FZD3: variants seen among roughly 807,000 people sequenced by gnomAD.
The protein encoded by FZD3 is frizzled class receptor 3, also known as frizzled-3.
A neutral mutation model predicts 60.7 loss-of-function variants in FZD3; 30 were observed. The ratio of observed to expected loss-of-function variants is 0.49; its 90% confidence interval spans 0.37 to 0.67. FZD3 has a LOEUF of 0.67. FZD3 is among the 30% of genes least tolerant of loss of function. FZD3 has a pLI of 0.00. For missense variants in FZD3, 605 were observed against 838.7 expected, an observed-to-expected ratio of 0.72 and a Z score of 3.44; for synonymous variants, 246 against 275.2, an observed-to-expected ratio of 0.89 and a Z score of 1.05.
chr8:28,504,253 A>G (rs1804077746), intron 3 of FZD3, among the ~76,000 whole-genome samples: 1 of 152,202 alleles, frequency 6.6e-6, no homozygotes, highest in Admixed American at 6.5e-5. Context: ...GTAGAGGTTG[A>G]ACAAAACATT....
At position 28,571,126 on chromosome 8, in the gene FZD3, A is replaced by G. The variant is rs1805800941; in HGVS notation, c.*8115A>G. 1 of 151,838 alleles carries G rather than the reference A, an allele frequency of 6.6e-6. No individual in the cohort carries two copies. Among genetic ancestry groups the G allele is most frequent in the Non-Finnish European group, 1.5e-5 (1 of 67,964 alleles). 9.4% of individuals were successfully genotyped at this position (151,838 alleles called of 1,614,324 possible). On this transcript the variant is annotated 3_prime_UTR_variant, in exon 8 of 8. Coordinates refer to ENST00000240093, the MANE Select transcript of FZD3 (RefSeq NM_017412.4). ...ATTGAATCTGAGATTCAAATATTTC[A>G]TTTAATATTTTCTGGGTTTTGATAA...
At chr8:28,512,268 C>T (rs1023938583) in intron 3 of FZD3, among the ~76,000 whole-genome samples, 1 of 152,122 alleles carries the variant, frequency 6.6e-6, no homozygotes, top group African/African-American at 2.4e-5. Context: ...CTTCTGCATG[C>T]ATATTCTCCA....
At chr8:28,523,505 C>G (rs1166099710) in intron 4 of FZD3, among the ~76,000 whole-genome samples, 1 of 151,920 alleles carries the variant, frequency 6.6e-6, no homozygotes, top group African/African-American at 2.4e-5. Flanking sequence ...TCACAGCTCA[C>G]TATAGCCTCA....
At chr8:28,545,464 CAG>C (rs1000881477) in intron 5 of FZD3, among the ~76,000 whole-genome samples, 2 of 152,052 alleles carry the variant, frequency 1.3e-5, no homozygotes, top group South Asian at 2.1e-4. Flanking sequence ...GGGAGGGAAA[CAG>C]AAAGAGAGAA....
intron 7 of FZD3, among the ~76,000 whole-genome samples, chr8:28,558,256 G>C (rs1805548499): frequency 2.0e-5 from 3 of 152,144 alleles, no homozygotes; most frequent in Admixed American, 2.0e-4. Flanking sequence ...AGGAGATTAT[G>C]AGTAAGACTA....
At position 28,572,497 on chromosome 8, in the gene FZD3, T is replaced by C. The variant is rs188989684; in HGVS notation, c.*9486T>C. 7 of 152,328 alleles carry C rather than the reference T, an allele frequency of 4.6e-5. No homozygotes were observed. Among genetic ancestry groups the C allele is most frequent in the African/African-American group, 1.7e-4 (7 of 41,588 alleles). 9.4% of individuals were successfully genotyped at this position (152,328 alleles called of 1,614,324 possible). On this transcript the variant is annotated 3_prime_UTR_variant, in exon 8 of 8. Transcript: ENST00000240093. ...GTGTTTTATCAAAATGACTTCATAA[T>C]TGAAGCAAATACCTTTTGGAAGTAT... is the stretch of plus-strand genomic sequence containing the variant.
At chr8:28,501,028 G>A (rs1803975551) in intron 2 of FZD3, among the ~76,000 whole-genome samples, 1 of 152,184 alleles carries the variant, frequency 6.6e-6, no homozygotes, top group African/African-American at 2.4e-5. Flanking sequence ...CCAAAGTGCT[G>A]GGATTACAAG....
intron 5 of FZD3, among the ~76,000 whole-genome samples, chr8:28,549,706 T>C (rs937358053): frequency 6.6e-6 from 1 of 152,182 alleles, no homozygotes; most frequent in Non-Finnish European, 1.5e-5. Flanking sequence ...TGCTTTTGGA[T>C]TGAGATATAG....
At chr8:28,499,473 G>T (rs941689316) in intron 1 of FZD3, among the ~76,000 whole-genome samples, 5 of 151,988 alleles carry the variant, frequency 3.3e-5, no homozygotes, top group African/African-American at 1.2e-4. Flanking sequence ...GTTATAAACA[G>T]TGTTACACTA....
At position 28,547,216 on chromosome 8, in the gene FZD3, T is replaced by C. The variant is rs555681987; in HGVS notation, c.1405-4387T>C. ...AGCTCCCATACACACTTCCCTACCT[T>C]GCTCTTGTCATTTAATGATATATTT... On this transcript the variant is annotated intron_variant, in intron 5 of 7. Transcript: ENST00000240093. 2.4e-4 allele frequency among the ~76,000 whole-genome samples: 37 copies of C among 152,304 alleles called. No homozygotes were observed. The South Asian group carries it at 7.5e-3, about 31-fold the overall frequency.
intron 5 of FZD3, among the ~76,000 whole-genome samples, chr8:28,540,375 GC>G: frequency 6.6e-6 from 1 of 152,022 alleles, no homozygotes; most frequent in East Asian, 1.9e-4. Flanking sequence ...GATTACAGGC[GC>G]CCACCACCAC....
chr8:28,546,291 CCACCTT>C (rs1805291026), intron 5 of FZD3, among the ~76,000 whole-genome samples: 3 of 152,200 alleles, frequency 2.0e-5, no homozygotes, highest in Admixed American at 2.0e-4. Context: ...AGATGCAGTT[CCACCTT>C]CAGTGATATC....
intron 7 of FZD3, among the ~76,000 whole-genome samples, chr8:28,561,369 T>TA (rs1264774419): frequency 4.6e-5 from 7 of 152,000 alleles, no homozygotes; most frequent in Non-Finnish European, 8.8e-5. Flanking sequence ...AAGACGTGTT[T>TA]AAAAAAAAAT....
rs763383191 is a variant in FZD3 at position 28,564,157 on chromosome 8, T to C, written c.*1146T>C. The C allele has an allele frequency of 2.0e-5, 3 of 152,636 alleles. No homozygotes were observed. The highest frequency in any genetic ancestry group is 2.4e-5 in the African/African-American group (1 of 41,462). The allele number at this position is 152,636 out of a possible 1,614,324, so 9.5% of individuals were successfully genotyped here. On this transcript the variant is annotated 3_prime_UTR_variant, in exon 8 of 8. Coordinates refer to ENST00000240093, the MANE Select transcript of FZD3 (RefSeq NM_017412.4). ...TTGAGTATTTGAAAATTGTTGTAGC[T>C]AAATGAAGCATGATTAGTCTTAGTA... is the stretch of plus-strand genomic sequence containing the variant.
intron 2 of FZD3, among the ~76,000 whole-genome samples, chr8:28,500,768 T>C (rs1165959658): frequency 1.3e-5 from 2 of 151,752 alleles, no homozygotes; most frequent in African/African-American, 4.8e-5. Context: ...CCAGTTTTCT[T>C]TTTTTTTTCT....
chr8:28,506,717 C>G (rs1437399725), intron 3 of FZD3, among the ~76,000 whole-genome samples: 1 of 152,126 alleles, frequency 6.6e-6, no homozygotes, highest in Non-Finnish European at 1.5e-5. Flanking sequence ...GCATGGAAAG[C>G]TGGCAGTGAA....
chr8:28,496,783 G>A (rs1314569499), intron 1 of FZD3, among the ~76,000 whole-genome samples: 1 of 152,200 alleles, frequency 6.6e-6, no homozygotes, highest in African/African-American at 2.4e-5. Flanking sequence ...TATTGCACGT[G>A]AAGTTTGAGA....
In FZD3 at chr8:28,527,790, A is replaced by G. The variant is rs767693020; in HGVS notation, c.1030A>G (p.Ile344Val). 12 of 1,614,042 alleles carry G rather than the reference A, an allele frequency of 7.4e-6. No individual in the cohort carries two copies. The Admixed American group carries it at 1.2e-4, about 16-fold the overall frequency. ...SAWGIPGTLT[I>V]ILLAMNKIEG... ...ATGGGGCATCCCCGGAACTCTAACC[A>G]TCATCCTTTTAGCGATGAATAAAAT... Residue 344 changes from isoleucine to valine, a missense_variant, in exon 5 of 8, where the codon ATC becomes GTC. Transcript: ENST00000240093. This position sits in a 1 kb window ranked among gnomAD's most constrained non-coding sequence, Gnocchi z 5.0.
chr8:28,568,380 G>C lies in FZD3; in HGVS notation c.*5369G>C, dbSNP rs529130464. ...TTCTCTCCTTCTTTTGTTCCGATTA[G>C]ATGAATTTGGGAAAGGAGTAGGAAG... On this transcript the variant is annotated 3_prime_UTR_variant, in exon 8 of 8. Transcript: ENST00000240093. The C allele has an allele frequency of 1.4e-4, 21 of 152,016 alleles. No homozygotes were observed. Among genetic ancestry groups the C allele is most frequent in the Non-Finnish European group, 2.8e-4 (19 of 67,972 alleles). 9.4% of individuals were successfully genotyped at this position (152,016 alleles called of 1,614,324 possible). A position where few individuals can be genotyped will look rare whatever the true frequency, so the allele number is the denominator to read the frequency against.
Sources: gnomAD v4.1 joint callset for allele counts (sites outside exome capture counted in the v4.1 genomes callset) on GRCh38, gnomAD v4.1.1 for gene constraint, Gnocchi (gnomAD v3.1) non-coding constraint, MANE v1.5 for transcripts, NCBI Gene and HGNC (gene_info 2026-07-23, HGNC 2026-07-21) for gene names.